The following MEIS1 variants were observed in gnomAD, a reference collection of about 807,000 sequenced individuals.
The protein encoded by MEIS1 is Meis homeobox 1.
In MEIS1, 5 loss-of-function variants were observed where a neutral mutation model predicts 50.8. The observed-to-expected ratio is 0.10, with a 90% CI of 0.05 to 0.21. The LOEUF is 0.21. MEIS1 is among the 10% of genes least tolerant of loss of function. The pLI is 1.00. For synonymous variants in MEIS1, 176 were observed against 179.3 expected (o/e 0.98, Z 0.15); for missense variants, 318 against 517.3 (o/e 0.61, Z 3.74).
chr2:66,559,376 A>G (rs1487538449), intron 9 of MEIS1, among the ~76,000 whole-genome samples: 1 of 152,218 alleles, frequency 6.6e-6, no homozygotes, highest in Non-Finnish European at 1.5e-5. Flanking sequence ...TTCACTCTCA[A>G]ACGTGTCCCA....
chr2:66,450,620 T>C (rs1228654033), intron 6 of MEIS1, among the ~76,000 whole-genome samples: 1 of 152,196 alleles, frequency 6.6e-6, no homozygotes, highest in Non-Finnish European at 1.5e-5. Flanking sequence ...ATACAAAGTC[T>C]TACATTTTAC....
chr2:66,447,191 G>A (rs1218610314), intron 6 of MEIS1, among the ~76,000 whole-genome samples: 2 of 152,184 alleles, frequency 1.3e-5, no homozygotes, highest in Non-Finnish European at 2.9e-5. Context: ...GCAATTCCTT[G>A]TCATCCAATA....
At chr2:66,462,388 A>G (rs1167104632) in intron 6 of MEIS1, among the ~76,000 whole-genome samples, 1 of 152,226 alleles carries the variant, frequency 6.6e-6, no homozygotes, top group Non-Finnish European at 1.5e-5. Context: ...GGGTTCCTGC[A>G]GCCTCCCACA....
intron 7 of MEIS1, among the ~76,000 whole-genome samples, chr2:66,485,748 C>T (rs1392761530): frequency 1.3e-5 from 2 of 152,190 alleles, no homozygotes; most frequent in African/African-American, 4.8e-5. Flanking sequence ...TCTCTACATC[C>T]TCTCCAGCAC....
At chr2:66,500,798 GATAA>G (rs1179691013) in intron 7 of MEIS1, among the ~76,000 whole-genome samples, 9 of 152,162 alleles carry the variant, frequency 5.9e-5, no homozygotes, top group Non-Finnish European at 1.0e-4. Flanking sequence ...AGTGACCTCA[GATAA>G]ATAAATGCTA....
intron 9 of MEIS1, chr2:66,562,058 T>TTTTTTTTA (rs1675228888): frequency 7.2e-6 from 1 of 139,580 alleles, no homozygotes. Flanking sequence ...TTTTTTTTTT[T>TTTTTTTTA]TTTTTTTTTT....
At chr2:66,535,470 C>G (rs1298534427) in intron 8 of MEIS1, among the ~76,000 whole-genome samples, 2 of 152,176 alleles carry the variant, frequency 1.3e-5, no homozygotes, top group East Asian at 3.8e-4. Flanking sequence ...ACAGGTCGAG[C>G]CTTCTCCCAC....
Position 66,441,363 on chromosome 2 carries a change from A to G in MEIS1, c.433-51A>G. Reference sequence around the variant, plus strand: ...TGGAGATGGTAGAGCTGTGGCAGCCAGTTTTCTGCAAGCCAGGAATGGGGT... The same window carrying G: ...TGGAGATGGTAGAGCTGTGGCAGCCGGTTTTCTGCAAGCCAGGAATGGGGT... On this transcript the variant is annotated intron_variant, in intron 4 of 12. Transcript: ENST00000272369. 2.7e-6 allele frequency: 4 copies of G among 1,502,054 alleles called. No homozygotes were observed. The South Asian group carries it at 4.0e-5, about 15-fold the overall frequency. 93.0% of individuals were successfully genotyped at this position (1,502,054 alleles called of 1,614,324 possible).
intron 7 of MEIS1, among the ~76,000 whole-genome samples, chr2:66,487,615 G>A (rs1378623242): frequency 6.6e-6 from 1 of 152,154 alleles, no homozygotes; most frequent in Admixed American, 6.5e-5. Flanking sequence ...TTGGTTATGT[G>A]TATTTCATTC....
intron 7 of MEIS1, among the ~76,000 whole-genome samples, chr2:66,487,309 A>T (rs940178073): frequency 6.6e-6 from 1 of 152,216 alleles, no homozygotes; most frequent in Non-Finnish European, 1.5e-5. Flanking sequence ...GTAACTCACC[A>T]TTCCGTTTCA....
Position 66,488,532 on chromosome 2 carries a change from G to T in MEIS1, c.743-23617G>T, listed in dbSNP as rs537646596. 4.6e-5 allele frequency among the ~76,000 whole-genome samples: 7 copies of T among 152,144 alleles called. No individual in the cohort carries two copies. In the South Asian group the frequency reaches 6.2e-4, roughly 14 times the overall value. On this transcript the variant is annotated intron_variant, in intron 7 of 12. Transcript: ENST00000272369. ...TCTCTACTAAAAATACAAAAAATTA[G>T]CCGGGCATGGTGGTGGGCGCCTGTA...
At chr2:66,444,664 G>T (rs935654577) in intron 6 of MEIS1, among the ~76,000 whole-genome samples, 1 of 152,212 alleles carries the variant, frequency 6.6e-6, no homozygotes, top group Non-Finnish European at 1.5e-5. Flanking sequence ...TGGCCCCCGC[G>T]GGCGGCCCGG....
At chr2:66,507,497 A>G (rs1673710684) in intron 7 of MEIS1, among the ~76,000 whole-genome samples, 1 of 152,226 alleles carries the variant, frequency 6.6e-6, no homozygotes, top group Non-Finnish European at 1.5e-5. Context: ...CTTCTATGAC[A>G]TAAAGAGCCC....
At chr2:66,518,093 C>T (rs570373163) in intron 8 of MEIS1, among the ~76,000 whole-genome samples, 1 of 152,276 alleles carries the variant, frequency 6.6e-6, no homozygotes, top group South Asian at 2.1e-4. Flanking sequence ...CCTTTCTTCC[C>T]CACTTGTAGT....
intron 6 of MEIS1, among the ~76,000 whole-genome samples, chr2:66,461,023 T>G (rs886208069): frequency 2.0e-5 from 3 of 152,188 alleles, no homozygotes; most frequent in African/African-American, 7.2e-5. Context: ...AGCCATTGCT[T>G]ACTCTGAAAT....
intron 8 of MEIS1, among the ~76,000 whole-genome samples, chr2:66,535,009 C>T (rs900226505): frequency 6.6e-6 from 1 of 152,130 alleles, no homozygotes; most frequent in African/African-American, 2.4e-5. Flanking sequence ...TTTGTTTCAT[C>T]CTGGGCAGTA....
At chr2:66,516,577 TTGTGTGTGTG>T (rs59154318) in intron 8 of MEIS1, among the ~76,000 whole-genome samples, 7 of 148,134 alleles carry the variant, frequency 4.7e-5, no homozygotes, top group Admixed American at 3.4e-4. Context: ...CCTGGAAAAT[TTGTGTGTGTG>T]TGTGTGTGTG....
intron 9 of MEIS1, among the ~76,000 whole-genome samples, chr2:66,559,776 C>T (rs1290993626): frequency 6.6e-6 from 1 of 152,110 alleles, no homozygotes; most frequent in Non-Finnish European, 1.5e-5. Flanking sequence ...TTGTCTGTTA[C>T]ATGTAAGTAA....
chr2:66,497,327 A>C (rs1009849642), intron 7 of MEIS1, among the ~76,000 whole-genome samples: 1 of 152,216 alleles, frequency 6.6e-6, no homozygotes, highest in Non-Finnish European at 1.5e-5. Context: ...CATTAGGGAC[A>C]TTCAAAGGAT....
Sources: allele counts gnomAD v4.1 joint callset (sites outside exome capture counted in the v4.1 genomes callset), GRCh38; gene constraint gnomAD v4.1.1; transcripts MANE v1.5; gene names NCBI Gene and HGNC (gene_info 2026-07-23, HGNC 2026-07-21).